CNTNAP5: variants seen among roughly 807,000 people sequenced by gnomAD.
CNTNAP5 encodes contactin associated protein family member 5, also known as contactin-associated protein-like 5.
A neutral mutation model predicts 150.2 loss-of-function variants in CNTNAP5; 72 were observed. That is an observed-to-expected ratio of 0.48 (90% CI 0.40 to 0.58). The LOEUF (loss-of-function observed/expected upper bound fraction) is 0.58, where lower values mean the gene tolerates loss of function less well. Among genes scored for constraint, CNTNAP5 ranks in the 20% least tolerant of loss-of-function variants. The probability of loss-of-function intolerance (pLI) is 0.00; values close to 1 mark genes in which losing one functional copy is unlikely to be tolerated. For synonymous variants in CNTNAP5, 672 were observed against 619.8 expected (o/e 1.08, Z -1.25); for missense variants, 1,636 against 1,626.2 (o/e 1.01, Z -0.10).
chr2:124,885,175 C>G (rs1455211505), intron 21 of CNTNAP5, among the ~76,000 whole-genome samples: 3 of 151,890 alleles, frequency 2.0e-5, no homozygotes, highest in East Asian at 1.9e-4. Context: ...AGTTGCTGCC[C>G]CTAGGTGGAA....
chr2:124,825,516 G>A (rs1275888259), intron 19 of CNTNAP5, among the ~76,000 whole-genome samples: 1 of 152,178 alleles, frequency 6.6e-6, no homozygotes, highest in African/African-American at 2.4e-5. Context: ...TGGGTGGAGT[G>A]AGAGTGAGTC....
Position 124,179,797 on chromosome 2 carries a change from C to T in CNTNAP5, c.83-41908C>T, listed in dbSNP as rs377636145. Among the ~76,000 whole-genome samples, 449 of 152,272 alleles carry T rather than the reference C, an allele frequency of 2.9e-3. 3 individuals are homozygous for T. Among genetic ancestry groups the T allele is most frequent in the South Asian group, 0.015 (73 of 4,826 alleles). Reference sequence around the variant, plus strand: ...AGCTTTAACAAAATTAACAGGATTTCGATGCATTCCTGGTAAGTTTGACTT... The same window carrying T: ...AGCTTTAACAAAATTAACAGGATTTTGATGCATTCCTGGTAAGTTTGACTT... On this transcript the variant is annotated intron_variant, in intron 1 of 23. Coordinates refer to ENST00000682447, the MANE Select transcript of CNTNAP5 (RefSeq NM_001367498.1).
intron 3 of CNTNAP5, among the ~76,000 whole-genome samples, chr2:124,400,076 C>T (rs1452165523): frequency 2.0e-5 from 3 of 151,466 alleles, no homozygotes; most frequent in Non-Finnish European, 4.4e-5. Context: ...GAGCACTATT[C>T]CCTCAAGATG....
intron 6 of CNTNAP5, among the ~76,000 whole-genome samples, chr2:124,467,197 T>A (rs1693397778): frequency 6.6e-6 from 1 of 152,336 alleles, no homozygotes; most frequent in Admixed American, 6.5e-5. Flanking sequence ...AATAGTGCCC[T>A]TATGTGAGTA....
At chr2:124,726,990 T>C (rs971322183) in intron 13 of CNTNAP5, among the ~76,000 whole-genome samples, 2 of 152,120 alleles carry the variant, frequency 1.3e-5, no homozygotes, top group African/African-American at 4.8e-5. Flanking sequence ...AAATTTTTAA[T>C]CAATTTTTAG....
intron 1 of CNTNAP5, among the ~76,000 whole-genome samples, chr2:124,142,309 C>CA (rs1684135603): frequency 7.2e-6 from 1 of 138,744 alleles, no homozygotes; most frequent in Non-Finnish European, 1.6e-5. Flanking sequence ...ATCTACAGAA[C>CA]TCTCCACCCC....
chr2:124,698,407 C>CACACACAT (rs55958089), intron 13 of CNTNAP5, among the ~76,000 whole-genome samples: 3 of 145,640 alleles, frequency 2.1e-5, no homozygotes, highest in African/African-American at 7.6e-5. Context: ...CACACACACA[C>CACACACAT]GTTTGCTTAT....
intron 3 of CNTNAP5, among the ~76,000 whole-genome samples, chr2:124,358,933 C>T (rs1375135757): frequency 2.0e-5 from 3 of 149,266 alleles, no homozygotes; most frequent in Admixed American, 2.0e-4. Context: ...CCATCTGGTC[C>T]TGGACTCTTT....
chr2:124,716,537 T>G (rs1357039146), intron 13 of CNTNAP5, among the ~76,000 whole-genome samples: 1 of 151,884 alleles, frequency 6.6e-6, no homozygotes, highest in Non-Finnish European at 1.5e-5. Flanking sequence ...TAATAGAATA[T>G]TATCAATGTT....
intron 3 of CNTNAP5, among the ~76,000 whole-genome samples, chr2:124,413,790 G>T (rs1485757573): frequency 2.0e-5 from 2 of 101,110 alleles, no homozygotes; most frequent in Admixed American, 2.3e-4. Flanking sequence ...TAGATGACGA[G>T]TTAGTGGGTG....
chr2:124,073,512 A>G (rs998976130), intron 1 of CNTNAP5, among the ~76,000 whole-genome samples: 2 of 152,032 alleles, frequency 1.3e-5, no homozygotes, highest in Non-Finnish European at 2.9e-5. Flanking sequence ...ACAATCCCAT[A>G]GGAAAGATTG....
chr2:124,701,513 G>T (rs1573556868), intron 13 of CNTNAP5, among the ~76,000 whole-genome samples: 1 of 152,090 alleles, frequency 6.6e-6, no homozygotes, highest in Non-Finnish European at 1.5e-5. Context: ...TTATGAGATG[G>T]TGATTCCATT....
chr2:124,050,574 C>T (rs752847864), intron 1 of CNTNAP5, among the ~76,000 whole-genome samples: 15 of 152,052 alleles, frequency 9.9e-5, no homozygotes, highest in African/African-American at 3.1e-4. Context: ...CTGCACTTTC[C>T]GGGGTGCTCC....
At chr2:124,592,725 T>G (rs919702617) in intron 11 of CNTNAP5, among the ~76,000 whole-genome samples, 1 of 151,440 alleles carries the variant, frequency 6.6e-6, no homozygotes, top group Non-Finnish European at 1.5e-5. Flanking sequence ...GTCAGACATC[T>G]TTTATGTGTT....
intron 3 of CNTNAP5, among the ~76,000 whole-genome samples, chr2:124,312,821 C>T (rs1045725492): frequency 2.0e-5 from 3 of 152,194 alleles, no homozygotes; most frequent in Admixed American, 6.5e-5. Flanking sequence ...CCACCCACCT[C>T]GGCCTCCCAA....
chr2:124,397,654 A>G (rs1691287284), intron 3 of CNTNAP5, among the ~76,000 whole-genome samples: 1 of 152,212 alleles, frequency 6.6e-6, no homozygotes, highest in Non-Finnish European at 1.5e-5. Flanking sequence ...AGTGTTTAAT[A>G]TATATGATTC....
chr2:124,340,911 C>CATAT lies in CNTNAP5; in HGVS notation c.382-76519_382-76516dup, dbSNP rs145485840. ...ACATATATATATATAGACACACACACATATATATATATATATTAGGTGGGA... is the reference window on the plus strand; with the variant it reads ...ACATATATATATATAGACACACACACATATATATATATATATATATTAGGTGGGA... On this transcript the variant is annotated intron_variant, in intron 3 of 23. Transcript: ENST00000682447. Among the ~76,000 whole-genome samples the CATAT allele has an allele frequency of 4.7e-4, 68 of 145,650 alleles. 1 individual carries two copies. The Middle Eastern group carries it at 0.011, about 23-fold the overall frequency.
chr2:124,605,819 AAAAAAAAAAAAAAAG>A (rs1697093191), intron 11 of CNTNAP5, among the ~76,000 whole-genome samples: 1 of 148,630 alleles, frequency 6.7e-6, no homozygotes, highest in Non-Finnish European at 1.5e-5. Flanking sequence ...CAAAAAAAAA[AAAAAAAAAAAAAAAG>A]AAGGAAAGAA....
chr2:124,292,880 A>G (rs982923528), intron 3 of CNTNAP5, among the ~76,000 whole-genome samples: 2 of 152,056 alleles, frequency 1.3e-5, no homozygotes, highest in African/African-American at 4.8e-5. Context: ...TCCAACATAT[A>G]AATTTTAAAC....
Sources: allele counts gnomAD v4.1 joint callset (sites outside exome capture counted in the v4.1 genomes callset), GRCh38; gene constraint gnomAD v4.1.1; transcripts MANE v1.5; gene names NCBI Gene and HGNC (gene_info 2026-07-23, HGNC 2026-07-21).